The following ZNF438 variants were observed in gnomAD, a reference collection of about 807,000 sequenced individuals.
ZNF438 encodes the protein zinc finger protein 438.
ZNF438 carries 25 observed loss-of-function variants against 38.0 expected under a neutral mutation model. That is an observed-to-expected ratio of 0.66 (90% CI 0.48 to 0.92). The LOEUF (loss-of-function observed/expected upper bound fraction) is 0.92. ZNF438 is among the 40% of genes least tolerant of loss of function. ZNF438 has a pLI of 0.00. For missense variants in ZNF438, 1,007 were observed against 999.6 expected (o/e 1.01, Z -0.10); for synonymous variants, 372 against 364.1 (o/e 1.02, Z -0.25).
At chr10:30,861,566 G>A (rs995843791) in intron 4 of ZNF438, among the ~76,000 whole-genome samples, 3 of 152,062 alleles carry the variant, frequency 2.0e-5, no homozygotes, top group African/African-American at 4.8e-5. Context: ...TTCTTTCAGG[G>A]CCATATAGTT....
chr10:30,892,096 TCTGG>T (rs2040759441), intron 3 of ZNF438, among the ~76,000 whole-genome samples: 1 of 152,202 alleles, frequency 6.6e-6, no homozygotes, highest in African/African-American at 2.4e-5. Flanking sequence ...CCTCAATCAA[TCTGG>T]CTGGCAGGGC....
intron 1 of ZNF438, among the ~76,000 whole-genome samples, chr10:31,005,805 T>A (rs2055075742): frequency 6.6e-6 from 1 of 152,232 alleles, no homozygotes; most frequent in African/African-American, 2.4e-5. Flanking sequence ...CATCATCCTA[T>A]TTACTTTTCC....
intron 3 of ZNF438, among the ~76,000 whole-genome samples, chr10:30,895,742 C>T (rs1418731729): frequency 6.6e-6 from 1 of 152,086 alleles, no homozygotes; most frequent in African/African-American, 2.4e-5. Flanking sequence ...GGCCAACAAG[C>T]ATATTAAAAG....
chr10:30,942,300 G>A (rs2046900422), intron 1 of ZNF438, among the ~76,000 whole-genome samples: 2 of 152,166 alleles, frequency 1.3e-5, no homozygotes, highest in Non-Finnish European at 2.9e-5. Context: ...TATACATAAA[G>A]AGGCACCAAG....
At chr10:31,013,980 C>G (rs984912610) in intron 1 of ZNF438, among the ~76,000 whole-genome samples, 2 of 152,182 alleles carry the variant, frequency 1.3e-5, no homozygotes, top group Non-Finnish European at 2.9e-5. Flanking sequence ...AAACACAAAA[C>G]TGCTCTTCCC....
intron 1 of ZNF438, among the ~76,000 whole-genome samples, chr10:30,953,166 A>G (rs1431238347): frequency 6.9e-6 from 1 of 144,958 alleles, no homozygotes; most frequent in African/African-American, 2.6e-5. Context: ...AAAACCAAAC[A>G]CCGCATATTC....
At chr10:30,921,852 G>T (rs1261128080) in intron 2 of ZNF438, among the ~76,000 whole-genome samples, 4 of 152,150 alleles carry the variant, frequency 2.6e-5, no homozygotes, top group Non-Finnish European at 4.4e-5. Flanking sequence ...CGATCTTTCT[G>T]AGAGTGTACT....
At chr10:30,871,588 T>C (rs1171128131) in intron 4 of ZNF438, among the ~76,000 whole-genome samples, 1 of 152,226 alleles carries the variant, frequency 6.6e-6, no homozygotes, top group African/African-American at 2.4e-5. Context: ...TCCCTAAGTA[T>C]GCCTTACTTG....
intron 1 of ZNF438, among the ~76,000 whole-genome samples, chr10:30,983,714 TC>T (rs2052472709): frequency 6.6e-6 from 1 of 152,212 alleles, no homozygotes. Flanking sequence ...TCTGGATTTT[TC>T]AAATTATTTT....
chr10:30,892,678 C>T (rs946760014), intron 3 of ZNF438, among the ~76,000 whole-genome samples: 21 of 152,068 alleles, frequency 1.4e-4, no homozygotes, highest in South Asian at 4.1e-4. Context: ...TCAGAGGCAA[C>T]GGCTCAACAG....
At chr10:30,850,327 T>C (rs1284994198) in exon 5 of ZNF438, 2 of 1,614,058 alleles carry the variant, frequency 1.2e-6, no homozygotes, top group African/African-American at 1.3e-5. Context: ...TCTGCAAACC[T>C]TTCCTACTCT....
intron 3 of ZNF438, among the ~76,000 whole-genome samples, chr10:30,882,495 A>G (rs1158694919): frequency 1.3e-5 from 2 of 152,244 alleles, no homozygotes; most frequent in African/African-American, 4.8e-5. Flanking sequence ...TAAACATACA[A>G]TGGAACATTA....
intron 1 of ZNF438, among the ~76,000 whole-genome samples, chr10:30,997,120 T>C (rs1298685410): frequency 6.6e-6 from 1 of 152,118 alleles, no homozygotes; most frequent in Non-Finnish European, 1.5e-5. Flanking sequence ...AATCTAATCT[T>C]CCACCTTAAG....
At chr10:30,864,727 C>A (rs966808873) in intron 4 of ZNF438, among the ~76,000 whole-genome samples, 10 of 152,190 alleles carry the variant, frequency 6.6e-5, no homozygotes, top group Non-Finnish European at 7.3e-5. Context: ...AAGAAAGAGT[C>A]GTTAGGCCCC....
At chr10:30,991,711 A>C (rs1277895503) in intron 1 of ZNF438, among the ~76,000 whole-genome samples, 1 of 152,196 alleles carries the variant, frequency 6.6e-6, no homozygotes, top group Non-Finnish European at 1.5e-5. Context: ...CAACCAACAA[A>C]TTAGGACTAT....
chr10:30,862,043 C>T (rs2035668999), intron 4 of ZNF438, among the ~76,000 whole-genome samples: 1 of 152,100 alleles, frequency 6.6e-6, no homozygotes, highest in Non-Finnish European at 1.5e-5. Flanking sequence ...CAGTTGAGTC[C>T]TACAGTTGAA....
chr10:30,937,812 G>C (rs1277418930), intron 2 of ZNF438, among the ~76,000 whole-genome samples: 3 of 152,140 alleles, frequency 2.0e-5, no homozygotes, highest in African/African-American at 7.2e-5. Context: ...ACATGTAGCT[G>C]ACAAATCATT....
chr10:30,935,838 AACTC>A (rs1166924699), intron 2 of ZNF438, among the ~76,000 whole-genome samples: 2 of 152,232 alleles, frequency 1.3e-5, no homozygotes, highest in East Asian at 3.9e-4. Context: ...ATCTTGTGAG[AACTC>A]ACTCACTATC....
chr10:30,892,428 A>T (rs1261297164), intron 3 of ZNF438, among the ~76,000 whole-genome samples: 1 of 152,224 alleles, frequency 6.6e-6, no homozygotes, highest in Non-Finnish European at 1.5e-5. Context: ...ATCTTATTGT[A>T]CTGTATCTCA....
Sources: allele counts gnomAD v4.1 joint callset (sites outside exome capture counted in the v4.1 genomes callset), GRCh38; gene constraint gnomAD v4.1.1; transcripts MANE v1.5; gene names NCBI Gene and HGNC (gene_info 2026-07-23, HGNC 2026-07-21).